The following CELF3 variants were observed in gnomAD, a reference collection of about 807,000 sequenced individuals.
CELF3 encodes the protein CUGBP Elav-like family member 3, also known as CAG repeat domain.
A neutral mutation model predicts 59.6 loss-of-function variants in CELF3; 26 were observed. That is an observed-to-expected ratio of 0.44 (90% CI 0.32 to 0.61). The LOEUF (loss-of-function observed/expected upper bound fraction) is 0.61, where lower values mean the gene tolerates loss of function less well. Ranked by LOEUF, CELF3 falls within the 20% of genes least tolerant of loss-of-function variation. The pLI, the probability that CELF3 is intolerant of heterozygous loss-of-function variation, is 0.06. For missense variants in CELF3, 387 were observed against 627.2 expected (o/e 0.62, Z 4.09); for synonymous variants, 245 against 250.7 (o/e 0.98, Z 0.22).
intron 12 of CELF3, among the ~76,000 whole-genome samples, 154 bp from the exon 13 acceptor site, chr1:151,703,602 C>T (rs1415620931): frequency 2.0e-5 from 3 of 151,890 alleles, no homozygotes; most frequent in African/African-American, 4.8e-5. Flanking sequence ...CAAACGGACC[C>T]ATCTGCCCCC....
At position 151,709,662 on chromosome 1, in the gene CELF3, G is replaced by A; in HGVS notation, c.277+81C>T. ...AGAATCATCAGGCTTTCTCCCTCAA[G>A]AAAGGCTACCCCTCGACAACTCCAG... On this transcript the variant is annotated intron_variant, in intron 3 of 12. Coordinates refer to ENST00000290583, the MANE Select transcript of CELF3 (RefSeq NM_007185.7). This position sits in a 1 kb window ranked among gnomAD's most constrained non-coding sequence, Gnocchi z 4.9. 4 of 1,393,436 alleles carry A rather than the reference G, an allele frequency of 2.9e-6. 1 individual carries two copies. In the South Asian group the frequency reaches 4.6e-5, roughly 16 times the overall value. The allele number at this position is 1,393,436 out of a possible 1,614,324, so 86.3% of individuals were successfully genotyped here. A position where few individuals can be genotyped will look rare whatever the true frequency, so the allele number is the denominator to read the frequency against.
In CELF3 at chr1:151,707,646, C is replaced by A; in HGVS notation, c.633G>T (p.Leu211=). ...CTACCAGGGCCGCCTGCTGCTGCAT[C>A]AGCTGGGGGGAGGGGAGAGGAGAGT... ...FGAYSAYTQA[L]MQQQAALVAA... is the part of the protein sequence containing the mutation. The change falls in exon 7 of 13, where the codon CTG becomes CTT. Residue 211 remains leucine (L), a splice_region_variant and synonymous_variant. Transcript: ENST00000290583. 1 of 1,605,902 alleles carries A rather than the reference C, an allele frequency of 6.2e-7. No individual in the cohort carries two copies. The highest frequency in any genetic ancestry group is 8.5e-7 in the Non-Finnish European group (1 of 1,177,548).
intron 9 of CELF3, 143 bp from the exon 10 acceptor site, chr1:151,706,504 C>T: frequency 2.6e-6 from 3 of 1,167,856 alleles, no homozygotes; most frequent in Non-Finnish European, 2.4e-6. Context: ...GCCTCAGACC[C>T]CTGGGTGTGC....
chr1:151,714,266 C>T (rs946038923), intron 2 of CELF3, among the ~76,000 whole-genome samples: 1 of 152,234 alleles, frequency 6.6e-6, no homozygotes, highest in African/African-American at 2.4e-5. Flanking sequence ...CTGATCCACA[C>T]TTGGTGTCCA....
At chr1:151,704,117 C>T (rs772240205) in intron 12 of CELF3, among the ~76,000 whole-genome samples, 18 of 152,102 alleles carry the variant, frequency 1.2e-4, no homozygotes, top group Non-Finnish European at 1.9e-4. Flanking sequence ...CACGCTCGTT[C>T]CATGCAACTT....
At position 151,716,161 on chromosome 1, in the gene CELF3, A is replaced by T; in HGVS notation, c.-141T>A. On this transcript the variant is annotated 5_prime_UTR_variant, in exon 1 of 13. Transcript: ENST00000290583. ...CCCTTTGGCCCCCAACCACGCTGCTAAGCAGAGGGGCGGCTCTTCACACAA... is the reference window on the plus strand; with the variant it reads ...CCCTTTGGCCCCCAACCACGCTGCTTAGCAGAGGGGCGGCTCTTCACACAA... 1 of 804,630 alleles carries T rather than the reference A, an allele frequency of 1.2e-6. No individual in the cohort carries two copies. The highest frequency in any genetic ancestry group is 1.9e-6 in the Non-Finnish European group (1 of 526,344). 49.8% of individuals were successfully genotyped at this position (804,630 alleles called of 1,614,324 possible). A position where few individuals can be genotyped will look rare whatever the true frequency, so the allele number is the denominator to read the frequency against.
In CELF3 at chr1:151,706,872, A is replaced by G. The variant is rs987109144; in HGVS notation, c.923-138T>C. 34 of 723,342 alleles carry G rather than the reference A, an allele frequency of 4.7e-5. No homozygotes were observed. In the African/African-American group the frequency reaches 5.5e-4, roughly 12 times the overall value. 44.8% of individuals were successfully genotyped at this position (723,342 alleles called of 1,614,324 possible). A position where few individuals can be genotyped will look rare whatever the true frequency, so the allele number is the denominator to read the frequency against. Reference sequence around the variant, plus strand: ...GGCATGGGGTGTGAAGTGAGAAGGCAGAAATGCACAAAGCAGTGGGAAGAG... The same window carrying G: ...GGCATGGGGTGTGAAGTGAGAAGGCGGAAATGCACAAAGCAGTGGGAAGAG... On this transcript the variant is annotated intron_variant, in intron 8 of 12. Coordinates refer to ENST00000290583, the MANE Select transcript of CELF3 (RefSeq NM_007185.7).
chr1:151,716,693 T>TCCCCCCC lies in CELF3; in HGVS notation c.-674_-673insGGGGGGG. 1 of 107,764 alleles carries TCCCCCCC rather than the reference T, an allele frequency of 9.3e-6. No individual in the cohort carries two copies. Among genetic ancestry groups the TCCCCCCC allele is most frequent in the Non-Finnish European group, 2.0e-5 (1 of 49,242 alleles). 6.7% of individuals were successfully genotyped at this position (107,764 alleles called of 1,614,324 possible). The stretch of plus-strand genomic sequence containing the variant: ...AGCCCCCCTCCCACCCCCACCCCAG[T>TCCCCCCC]CCCCGGGCCTGGGCTGCTGCCGGCT... On this transcript the variant is annotated 5_prime_UTR_variant, in exon 1 of 13. Transcript: ENST00000290583.
intron 5 of CELF3, 42 bp downstream of exon 5, chr1:151,708,956 G>T: frequency 6.3e-7 from 1 of 1,575,692 alleles, no homozygotes; most frequent in Non-Finnish European, 8.7e-7. Context: ...CAGGTGGGCA[G>T]GGTGGGAAGG....
rs991495619 is a variant in CELF3 at position 151,714,801 on chromosome 1, G to A, written c.146-125C>T. The A allele has an allele frequency of 4.2e-6, 3 of 706,286 alleles. No homozygotes were observed. In the African/African-American group the frequency reaches 5.3e-5, roughly 13 times the overall value. The allele number at this position is 706,286 out of a possible 1,614,324, so 43.8% of individuals were successfully genotyped here. A position where few individuals can be genotyped will look rare whatever the true frequency, so the allele number is the denominator to read the frequency against. ...CCCTTCTTGTCATCTTCTGCCTGCT[G>A]GGGTAGAGAGGTGTCTCCAAGGGGT... On this transcript the variant is annotated intron_variant, in intron 1 of 12. Coordinates refer to ENST00000290583, the MANE Select transcript of CELF3 (RefSeq NM_007185.7).
intron 2 of CELF3, among the ~76,000 whole-genome samples, chr1:151,714,096 C>A (rs1401854866): frequency 1.3e-5 from 2 of 152,200 alleles, no homozygotes; most frequent in Non-Finnish European, 2.9e-5. Context: ...GGGACTCTTC[C>A]TGGGAGACAG....
At chr1:151,706,468 G>T in intron 9 of CELF3, 107 bp from the exon 10 acceptor site, 1 of 1,284,402 alleles carries the variant, frequency 7.8e-7, no homozygotes, top group South Asian at 1.4e-5. Flanking sequence ...CACCTGCAGG[G>T]CTGAGAGGTG....
chr1:151,707,403 C>A, intron 7 of CELF3, 104 bp downstream of exon 7: 1 of 1,542,456 alleles, frequency 6.5e-7, no homozygotes, highest in Non-Finnish European at 8.8e-7. Context: ...CCTCTCTGAC[C>A]CCTGAGTCCC....
chr1:151,707,191 C>A lies in CELF3; in HGVS notation c.876G>T (p.Gln292His). 1 of 1,527,180 alleles carries A rather than the reference C, an allele frequency of 6.5e-7. No homozygotes were observed. Among genetic ancestry groups the A allele is most frequent in the Non-Finnish European group, 8.7e-7 (1 of 1,143,986 alleles). The allele number at this position is 1,527,180 out of a possible 1,614,324, so 94.6% of individuals were successfully genotyped here. A position where few individuals can be genotyped will look rare whatever the true frequency, so the allele number is the denominator to read the frequency against. Residue 292 changes from glutamine (Q) to histidine (H), a missense_variant, in exon 8 of 13, where the codon CAG becomes CAT. By Grantham distance (24) the Gln-to-His change is conservative. Coordinates refer to ENST00000290583, the MANE Select transcript of CELF3 (RefSeq NM_007185.7). ...TGGGATACAGAGCATCAGGGGCAGGCTGCCCAGTGGGCTGGGTGGGCACCG... is the reference window on the plus strand; with the variant it reads ...TGGGATACAGAGCATCAGGGGCAGGATGCCCAGTGGGCTGGGTGGGCACCG... ...YSPVPTQPTG[Q>H]PAPDALYPNG... is the part of the protein sequence containing the mutation.
Position 151,709,471 on chromosome 1 carries a change from T to C in CELF3, c.278-123A>G. On this transcript the variant is annotated intron_variant, in intron 3 of 12. Transcript: ENST00000290583. This position sits in a 1 kb window ranked among gnomAD's most constrained non-coding sequence, Gnocchi z 4.9. ...TGCTACCCTTAGGGTCCAATGGCTG[T>C]AGGGGCTGATGGTTGGGGAATGGGG... The C allele has an allele frequency of 7.3e-7, 1 of 1,361,624 alleles. No individual in the cohort carries two copies. The highest frequency in any genetic ancestry group is 1.0e-6 in the Non-Finnish European group (1 of 973,552). 84.3% of individuals were successfully genotyped at this position (1,361,624 alleles called of 1,614,324 possible). A position where few individuals can be genotyped will look rare whatever the true frequency, so the allele number is the denominator to read the frequency against.
At chr1:151,712,733 A>T (rs1673125793) in intron 2 of CELF3, among the ~76,000 whole-genome samples, 1 of 151,958 alleles carries the variant, frequency 6.6e-6, no homozygotes, top group African/African-American at 2.4e-5. Context: ...CCAAAATATC[A>T]CCCTAGTATG....
At chr1:151,706,554 A>G (rs1358012368) in intron 9 of CELF3, 115 bp downstream of exon 9, 10 of 1,295,490 alleles carry the variant, frequency 7.7e-6, no homozygotes. Context: ...GCTTGTCAGT[A>G]AAGCCTGAAG....
Position 151,709,496 on chromosome 1 carries a change from G to A in CELF3, c.278-148C>T, listed in dbSNP as rs1030056686. On this transcript the variant is annotated intron_variant, in intron 3 of 12. Coordinates refer to ENST00000290583, the MANE Select transcript of CELF3 (RefSeq NM_007185.7). The surrounding 1 kb of genome is among the most constrained non-coding windows in gnomAD (Gnocchi z 4.9). The stretch of plus-strand genomic sequence containing the variant: ...TAGGGGCTGATGGTTGGGGAATGGG[G>A]TATAGTTGCAGAGGGTGCTCATCCC... 18 of 1,188,688 alleles carry A rather than the reference G, an allele frequency of 1.5e-5. No homozygotes were observed. The highest frequency in any genetic ancestry group is 1.9e-5 in the Non-Finnish European group (16 of 826,160). 73.6% of individuals were successfully genotyped at this position (1,188,688 alleles called of 1,614,324 possible). A position where few individuals can be genotyped will look rare whatever the true frequency, so the allele number is the denominator to read the frequency against.
chr1:151,704,175 T>G (rs563433276), intron 12 of CELF3, among the ~76,000 whole-genome samples: 1 of 150,760 alleles, frequency 6.6e-6, no homozygotes, highest in African/African-American at 2.4e-5. Context: ...CGGCCGACAA[T>G]GGACACGGGC....
Sources: gnomAD v4.1 joint callset for allele counts (sites outside exome capture counted in the v4.1 genomes callset) on GRCh38, gnomAD v4.1.1 for gene constraint, Gnocchi (gnomAD v3.1) non-coding constraint, MANE v1.5 for transcripts, NCBI Gene and HGNC (gene_info 2026-07-23, HGNC 2026-07-21) for gene names.